The following PTPRK variants were observed in gnomAD, a reference collection of about 807,000 sequenced individuals.
The protein encoded by PTPRK is protein tyrosine phosphatase receptor type K, also known as receptor-type tyrosine-protein phosphatase kappa.
PTPRK carries 75 observed loss-of-function variants against 178.0 expected under a neutral mutation model. The observed-to-expected ratio is 0.42, with a 90% CI of 0.35 to 0.51. The LOEUF (loss-of-function observed/expected upper bound fraction) is 0.51, where lower values mean the gene tolerates loss of function less well. PTPRK is among the 20% of genes least tolerant of loss of function. PTPRK has a pLI of 0.02. For missense variants in PTPRK, 1,441 were observed against 1,797.8 expected, an observed-to-expected ratio of 0.80 and a Z score of 3.59; for synonymous variants, 637 against 620.6, an observed-to-expected ratio of 1.03 and a Z score of -0.39.
At chr6:128,508,215 C>T (rs9482891) in intron 1 of PTPRK, among the ~76,000 whole-genome samples, 1 of 152,100 alleles carries the variant, frequency 6.6e-6, no homozygotes, top group Non-Finnish European at 1.5e-5. Context: ...CCTTAATAGT[C>T]ATTAACATTA....
At chr6:128,305,345 A>G (rs1003630779) in intron 3 of PTPRK, among the ~76,000 whole-genome samples, 14 of 152,218 alleles carry the variant, frequency 9.2e-5, no homozygotes, top group Non-Finnish European at 1.8e-4. Context: ...TAGAGGATTT[A>G]AAGTTTCCTT....
chr6:128,421,715 G>T (rs960862887), intron 1 of PTPRK, among the ~76,000 whole-genome samples: 1 of 152,098 alleles, frequency 6.6e-6, no homozygotes, highest in African/African-American at 2.4e-5. Flanking sequence ...GAATTACAAG[G>T]ATCAGCATAC....
At chr6:128,493,328 C>A (rs903656636) in intron 1 of PTPRK, among the ~76,000 whole-genome samples, 1 of 152,036 alleles carries the variant, frequency 6.6e-6, no homozygotes, top group Non-Finnish European at 1.5e-5. Flanking sequence ...TTTGGGAGGC[C>A]AAGGTGGGCT....
chr6:128,498,038 T>TAA (rs576984605), intron 1 of PTPRK, among the ~76,000 whole-genome samples: 44 of 150,656 alleles, frequency 2.9e-4, no homozygotes, highest in Non-Finnish European at 4.7e-4. Flanking sequence ...GTCTGAGTTG[T>TAA]AAAAAAAAAC....
rs146980140 is a variant in PTPRK at position 128,240,470 on chromosome 6, CAAACTTACAAGTCA to C, written c.578-334_578-321del. 3.5e-3 allele frequency among the ~76,000 whole-genome samples: 529 copies of C among 152,238 alleles called. 15 individuals are homozygous for C. The East Asian group carries it at 0.047, about 14-fold the overall frequency. Reference sequence around the variant, plus strand: ...TATATGGATGATAATAAAACAGTTACAAACTTACAAGTCAAAGCAACCAAAAGAGATTAAATTGA... The same window carrying C: ...TATATGGATGATAATAAAACAGTTACAAGCAACCAAAAGAGATTAAATTGA... On this transcript the variant is annotated intron_variant, in intron 4 of 29. Coordinates refer to ENST00000368226, the MANE Select transcript of PTPRK (RefSeq NM_002844.4).
At chr6:128,147,976 A>C (rs1279913882) in intron 7 of PTPRK, among the ~76,000 whole-genome samples, 1 of 151,798 alleles carries the variant, frequency 6.6e-6, no homozygotes, top group Non-Finnish European at 1.5e-5. Context: ...GTATGATAGT[A>C]ATGTGATGGA....
chr6:128,243,860 A>C (rs1314378450), intron 3 of PTPRK, among the ~76,000 whole-genome samples: 1 of 152,230 alleles, frequency 6.6e-6, no homozygotes, highest in Non-Finnish European at 1.5e-5. Context: ...TGATGTTTAA[A>C]GTAAGAATAG....
chr6:128,269,916 G>A (rs1336912242), intron 3 of PTPRK, among the ~76,000 whole-genome samples: 2 of 152,142 alleles, frequency 1.3e-5, no homozygotes, highest in South Asian at 2.1e-4. Flanking sequence ...CTTATATAAC[G>A]TGCTGCAGTT....
At chr6:128,174,705 G>A (rs1002157809) in intron 7 of PTPRK, among the ~76,000 whole-genome samples, 2 of 151,822 alleles carry the variant, frequency 1.3e-5, no homozygotes, top group African/African-American at 4.8e-5. Flanking sequence ...ATGAAGAAGT[G>A]AAACATTACA....
chr6:128,278,964 T>G (rs980497687), intron 3 of PTPRK, among the ~76,000 whole-genome samples: 1 of 152,098 alleles, frequency 6.6e-6, no homozygotes, highest in African/African-American at 2.4e-5. Flanking sequence ...GTAATAACAG[T>G]CCAGGATGGG....
chr6:128,217,585 A>T (rs1040775494), intron 6 of PTPRK, among the ~76,000 whole-genome samples: 3 of 152,218 alleles, frequency 2.0e-5, no homozygotes, highest in Non-Finnish European at 2.9e-5. Flanking sequence ...ATCAAAGGTT[A>T]AAGTATTAAA....
At chr6:127,989,553 T>G (rs1776362898) in intron 21 of PTPRK, among the ~76,000 whole-genome samples, 1 of 152,042 alleles carries the variant, frequency 6.6e-6, no homozygotes. Context: ...TTAGGAGAGA[T>G]TCATGAAAGT....
chr6:127,982,476 G>A (rs1273191278), intron 24 of PTPRK, among the ~76,000 whole-genome samples: 3 of 151,916 alleles, frequency 2.0e-5, no homozygotes, highest in African/African-American at 4.8e-5. Flanking sequence ...GGGTTTCACC[G>A]TGTTAGCCAG....
chr6:128,203,836 T>C (rs554200827), intron 6 of PTPRK, among the ~76,000 whole-genome samples: 1 of 152,236 alleles, frequency 6.6e-6, no homozygotes, highest in African/African-American at 2.4e-5. Flanking sequence ...GTCATGAAAA[T>C]GGCCATACTG....
chr6:128,122,094 A>T lies in PTPRK; in HGVS notation c.1163-32102T>A, dbSNP rs1417414339. On this transcript the variant is annotated intron_variant, in intron 7 of 29. Coordinates refer to ENST00000368226, the MANE Select transcript of PTPRK (RefSeq NM_002844.4). ...TTCTATTTGAATCACTTACTTCATCATATACACTTACCTGACATCTAGATA... is the reference window on the plus strand; with the variant it reads ...TTCTATTTGAATCACTTACTTCATCTTATACACTTACCTGACATCTAGATA... Among the ~76,000 whole-genome samples the T allele has an allele frequency of 2.6e-5, 4 of 152,124 alleles. No homozygotes were observed. The East Asian group carries it at 7.7e-4, about 29-fold the overall frequency.
chr6:127,973,481 C>A (rs1036056687), intron 28 of PTPRK, among the ~76,000 whole-genome samples, 183 bp downstream of exon 28: 2 of 152,054 alleles, frequency 1.3e-5, no homozygotes, highest in Non-Finnish European at 2.9e-5. Flanking sequence ...ATATAATAAT[C>A]AATATTTAGA....
intron 2 of PTPRK, among the ~76,000 whole-genome samples, chr6:128,380,266 T>C (rs1837684620): frequency 6.6e-6 from 1 of 152,006 alleles, no homozygotes; most frequent in Admixed American, 6.6e-5. Flanking sequence ...TAACTCTCCT[T>C]GAAAGGATGA....
intron 1 of PTPRK, among the ~76,000 whole-genome samples, chr6:128,440,972 C>T (rs1846211533): frequency 6.6e-6 from 1 of 152,076 alleles, no homozygotes; most frequent in African/African-American, 2.4e-5. Flanking sequence ...ATGGATGCTG[C>T]TAAATTACCC....
chr6:128,076,461 A>C (rs1261242679), intron 11 of PTPRK, among the ~76,000 whole-genome samples: 1 of 152,160 alleles, frequency 6.6e-6, no homozygotes, highest in Non-Finnish European at 1.5e-5. Flanking sequence ...CATTACAAAA[A>C]CTAAAGATGG....
Sources: allele counts gnomAD v4.1 joint callset (sites outside exome capture counted in the v4.1 genomes callset), GRCh38; gene constraint gnomAD v4.1.1; transcripts MANE v1.5; gene names NCBI Gene and HGNC (gene_info 2026-07-23, HGNC 2026-07-21).